Variants in XIRP2 observed in about 807,000 individuals in gnomAD.
The protein encoded by XIRP2 is xin actin binding repeat containing 2.
In XIRP2, 236 loss-of-function variants were observed where a neutral mutation model predicts 277.0. That is an observed-to-expected ratio of 0.85 (90% CI 0.77 to 0.95). The LOEUF (loss-of-function observed/expected upper bound fraction) is 0.95, where lower values mean the gene tolerates loss of function less well. Ranked by LOEUF, XIRP2 falls within the 40% of genes least tolerant of loss-of-function variation. XIRP2 has a pLI of 0.00. For synonymous variants in XIRP2, 1,490 were observed against 1,416.5 expected, an observed-to-expected ratio of 1.05 and a Z score of -1.17; for missense variants, 4,640 against 4,157.5, an observed-to-expected ratio of 1.12 and a Z score of -3.19.
chr2:167,023,329 G>C (rs1337551847), intron 2 of XIRP2, among the ~76,000 whole-genome samples: 3 of 151,780 alleles, frequency 2.0e-5, no homozygotes, highest in Non-Finnish European at 4.4e-5. Flanking sequence ...AAATTTGTTT[G>C]AGTTCATTAT....
At chr2:167,193,148 A>T (rs1332325557) in intron 3 of XIRP2, among the ~76,000 whole-genome samples, 1 of 152,086 alleles carries the variant, frequency 6.6e-6, no homozygotes, top group African/African-American at 2.4e-5. Context: ...TTTAAGTCAC[A>T]CCCTTTGGTT....
intron 2 of XIRP2, among the ~76,000 whole-genome samples, chr2:166,987,161 TGAG>T (rs921207447): frequency 6.6e-6 from 1 of 152,072 alleles, no homozygotes; most frequent in Non-Finnish European, 1.5e-5. Flanking sequence ...TTAGATGGGA[TGAG>T]GAGAAGAAAA....
rs111547031 is a variant in XIRP2, at chr2:166,985,516, C to T, written c.408+81626C>T. Reference sequence around the variant, plus strand: ...TACGATCTCCGCTCACTGCAACCTCCGCCTCCTGGGTTCAAGCAATTCTCT... The same window carrying T: ...TACGATCTCCGCTCACTGCAACCTCTGCCTCCTGGGTTCAAGCAATTCTCT... On this transcript the variant is annotated intron_variant, in intron 2 of 10. Transcript: ENST00000409195. Among the ~76,000 whole-genome samples, 118 of 151,870 alleles carry T rather than the reference C, an allele frequency of 7.8e-4. 1 individual carries two copies. The highest frequency in any genetic ancestry group is 2.8e-3 in the African/African-American group (115 of 41,452).
intron 2 of XIRP2, among the ~76,000 whole-genome samples, chr2:167,093,687 G>A (rs967676799): frequency 6.6e-6 from 1 of 152,146 alleles, no homozygotes; most frequent in Non-Finnish European, 1.5e-5. Flanking sequence ...TGGTGTATAT[G>A]TGCCACATTT....
chr2:167,093,765 C>A (rs767603521), intron 2 of XIRP2, among the ~76,000 whole-genome samples: 40 of 151,974 alleles, frequency 2.6e-4, no homozygotes, highest in Non-Finnish European at 4.4e-5. Flanking sequence ...TGAATAGGAC[C>A]GCAATAAACA....
intron 2 of XIRP2, among the ~76,000 whole-genome samples, chr2:166,938,750 A>C (rs1685597657): frequency 1.3e-5 from 2 of 152,254 alleles, no homozygotes; most frequent in South Asian, 4.1e-4. Context: ...GTAGGTCTCT[A>C]AGGAATTGCT....
At chr2:166,917,427 T>C (rs1684918612) in intron 2 of XIRP2, among the ~76,000 whole-genome samples, 2 of 152,192 alleles carry the variant, frequency 1.3e-5, no homozygotes, top group Non-Finnish European at 2.9e-5. Context: ...AAAATAATGT[T>C]AGTGTTCTTT....
rs1176721466 is a variant in XIRP2 at position 166,995,261 on chromosome 2, A to G, written c.408+91371A>G. 2.0e-5 allele frequency among the ~76,000 whole-genome samples: 3 copies of G among 152,326 alleles called. No individual in the cohort carries two copies. In the East Asian group the frequency reaches 5.8e-4, roughly 29 times the overall value. Reference sequence around the variant, plus strand: ...GTGTATGTACATTGTAGAAATAGCCATCTGGCATTTGGATATATGCTTTGT... The same window carrying G: ...GTGTATGTACATTGTAGAAATAGCCGTCTGGCATTTGGATATATGCTTTGT... On this transcript the variant is annotated intron_variant, in intron 2 of 10. Coordinates refer to ENST00000409195, the MANE Select transcript of XIRP2 (RefSeq NM_152381.6).
intron 3 of XIRP2, among the ~76,000 whole-genome samples, chr2:167,138,738 T>G (rs1209719930): frequency 6.6e-6 from 1 of 152,160 alleles, no homozygotes; most frequent in African/African-American, 2.4e-5. Context: ...TCAGTGTAAA[T>G]GATTTGATTA....
chr2:167,197,851 A>C (rs1447145415), intron 3 of XIRP2, among the ~76,000 whole-genome samples: 1 of 152,174 alleles, frequency 6.6e-6, no homozygotes, highest in Non-Finnish European at 1.5e-5. Context: ...TTCTGTTTGC[A>C]AGTGTTAAAT....
At chr2:167,004,020 A>G (rs1687440595) in intron 2 of XIRP2, among the ~76,000 whole-genome samples, 1 of 151,940 alleles carries the variant, frequency 6.6e-6, no homozygotes, top group African/African-American at 2.4e-5. Context: ...AAATAATTTC[A>G]TTGTCATTTC....
intron 4 of XIRP2, among the ~76,000 whole-genome samples, chr2:167,212,631 A>G (rs144629023): frequency 1.0e-3 from 156 of 152,322 alleles, no homozygotes; most frequent in African/African-American, 3.5e-3. Context: ...TTATAAAATT[A>G]GGTAGTGAGG....
chr2:167,152,547 C>A (rs1482592691), intron 3 of XIRP2, among the ~76,000 whole-genome samples: 1 of 151,954 alleles, frequency 6.6e-6, no homozygotes, highest in Non-Finnish European at 1.5e-5. Flanking sequence ...TTGCAGGGGT[C>A]CCAGGAGTGA....
At chr2:167,110,184 C>G (rs1399885007) in intron 2 of XIRP2, among the ~76,000 whole-genome samples, 1 of 152,032 alleles carries the variant, frequency 6.6e-6, no homozygotes, top group East Asian at 1.9e-4. Context: ...TTAATTAGAT[C>G]CTATTTGTTA....
intron 2 of XIRP2, among the ~76,000 whole-genome samples, chr2:166,937,527 G>A (rs1158928256): frequency 6.6e-6 from 1 of 152,168 alleles, no homozygotes; most frequent in African/African-American, 2.4e-5. Context: ...TTGCATCGAT[G>A]TTCCTCAGGG....
chr2:167,184,577 C>T lies in XIRP2; in HGVS notation c.563-26158C>T, dbSNP rs77546992. The T allele has an allele frequency of 8.4e-3, 6,035 of 717,470 alleles. 100 individuals carry two copies. The highest frequency in any genetic ancestry group is 0.052 in the East Asian group (1,936 of 37,268). The allele number at this position is 717,470 out of a possible 1,614,324, so 44.4% of individuals were successfully genotyped here. A position where few individuals can be genotyped will look rare whatever the true frequency, so the allele number is the denominator to read the frequency against. The stretch of plus-strand genomic sequence containing the variant: ...CACGGACCAAGCCCAGATTCTCAGG[C>T]TCCACCTGCATCCAAAATTGACAAA... On this transcript the variant is annotated intron_variant, in intron 3 of 10. Coordinates refer to ENST00000409195, the MANE Select transcript of XIRP2 (RefSeq NM_152381.6).
chr2:167,175,197 T>C (rs1003266716), intron 3 of XIRP2, among the ~76,000 whole-genome samples: 1 of 152,132 alleles, frequency 6.6e-6, no homozygotes, highest in Admixed American at 6.5e-5. Context: ...ATTCTCCCAC[T>C]ATTATTGTGT....
intron 2 of XIRP2, among the ~76,000 whole-genome samples, chr2:166,942,070 A>T (rs1685735995): frequency 6.6e-6 from 1 of 152,190 alleles, no homozygotes; most frequent in Non-Finnish European, 1.5e-5. Context: ...AGTAGTAAGC[A>T]CTACCATCCT....
At chr2:167,194,631 G>A (rs988445) in intron 3 of XIRP2, among the ~76,000 whole-genome samples, 39,216 of 151,732 alleles carry the variant, frequency 0.26, 5,911 homozygotes, top group African/African-American at 0.42. Context: ...AACACTTTAC[G>A]GGAAATTAGA....
Sources: allele counts gnomAD v4.1 joint callset (sites outside exome capture counted in the v4.1 genomes callset), GRCh38; gene constraint gnomAD v4.1.1; transcripts MANE v1.5; gene names NCBI Gene and HGNC (gene_info 2026-07-23, HGNC 2026-07-21).